Variants in DGCR8 observed in about 807,000 individuals in gnomAD.
DGCR8 encodes the protein DGCR8 microprocessor complex subunit, also known as microprocessor complex subunit DGCR8.
Under a neutral mutation model 78.5 loss-of-function variants are expected in DGCR8, and 14 were observed. The observed-to-expected ratio is 0.18, with a 90% CI of 0.12 to 0.28. DGCR8 has a LOEUF of 0.28. Among genes scored for constraint, DGCR8 ranks in the 10% least tolerant of loss-of-function variants. The pLI is 1.00. For missense variants in DGCR8, 702 were observed against 1,022.5 expected, an observed-to-expected ratio of 0.69 and a Z score of 4.28; for synonymous variants, 399 against 402.4, an observed-to-expected ratio of 0.99 and a Z score of 0.10.
chr22:20,096,209 C>T (rs553531760), intron 9 of DGCR8, among the ~76,000 whole-genome samples: 1 of 152,244 alleles, frequency 6.6e-6, no homozygotes, highest in South Asian at 2.1e-4. Flanking sequence ...TTAAGAAAAT[C>T]ATAAGGAAGA....
At chr22:20,109,419 C>A (rs900701379) in intron 13 of DGCR8, among the ~76,000 whole-genome samples, 2 of 152,188 alleles carry the variant, frequency 1.3e-5, no homozygotes, top group African/African-American at 4.8e-5. Flanking sequence ...TGTCTTCTGT[C>A]TTCAGGCATC....
chr22:20,101,884 A>G (rs1602492981), intron 9 of DGCR8: 2 of 985,328 alleles, frequency 2.0e-6, no homozygotes, highest in Non-Finnish European at 2.4e-6. Flanking sequence ...TGGGGTTGAC[A>G]TGTCAGGAGG....
intron 9 of DGCR8, among the ~76,000 whole-genome samples, chr22:20,104,511 G>A (rs1157900219): frequency 6.6e-6 from 1 of 150,464 alleles, no homozygotes; most frequent in Admixed American, 6.6e-5. Flanking sequence ...CTCTCTAGCT[G>A]TGTGTGTGTC....
chr22:20,099,111 C>T (rs1019736505), intron 9 of DGCR8, among the ~76,000 whole-genome samples: 11 of 152,154 alleles, frequency 7.2e-5, no homozygotes, highest in African/African-American at 2.2e-4. Context: ...GTGGGGCTCA[C>T]CTGGTGTGCT....
At position 20,108,860 on chromosome 22, in the gene DGCR8, G is replaced by A. The variant is rs761466948; in HGVS notation, c.2125-30G>A. On this transcript the variant is annotated intron_variant, in intron 12 of 13. Transcript: ENST00000351989. ...GCAGGCCGTAGAGCTACAGCCTGCAGTCCTGAGCGTGAGGTGCTATACTTC... is the reference window on the plus strand; with the variant it reads ...GCAGGCCGTAGAGCTACAGCCTGCAATCCTGAGCGTGAGGTGCTATACTTC... The A allele has an allele frequency of 1.0e-5, 12 of 1,198,594 alleles. No homozygotes were observed. The Admixed American group carries it at 1.3e-4, about 13-fold the overall frequency. 74.2% of individuals were successfully genotyped at this position (1,198,594 alleles called of 1,614,324 possible).
chr22:20,101,117 A>T, intron 9 of DGCR8: 8 of 865,030 alleles, frequency 9.2e-6, no homozygotes, highest in East Asian at 1.2e-4. Context: ...GGTCGTTTTG[A>T]ATCACAAAAG....
intron 9 of DGCR8, among the ~76,000 whole-genome samples, chr22:20,103,678 A>G (rs2147937237): frequency 6.6e-6 from 1 of 152,300 alleles, no homozygotes; most frequent in East Asian, 1.9e-4. Context: ...AGTGGGAAGT[A>G]GCCCTCCTCC....
At chr22:20,096,555 C>G in intron 9 of DGCR8, 1 of 869,618 alleles carries the variant, frequency 1.1e-6, no homozygotes, top group South Asian at 5.3e-5. Flanking sequence ...ATAAATTTGG[C>G]CTTTTAAACT....
chr22:20,084,389 G>A (rs1370353413), intron 1 of DGCR8, among the ~76,000 whole-genome samples: 1 of 152,252 alleles, frequency 6.6e-6, no homozygotes, highest in Non-Finnish European at 1.5e-5. Context: ...GTGTCTGCAT[G>A]TGTTCCTTCT....
At chr22:20,107,164 C>G in intron 11 of DGCR8, 107 bp from the exon 12 acceptor site, 5 of 1,307,368 alleles carry the variant, frequency 3.8e-6, no homozygotes, top group Non-Finnish European at 5.5e-6. Flanking sequence ...AGAATGTGCC[C>G]TGGCTGGCCC....
At chr22:20,081,911 C>A (rs1159183306) in intron 1 of DGCR8, among the ~76,000 whole-genome samples, 2 of 152,158 alleles carry the variant, frequency 1.3e-5, no homozygotes, top group Non-Finnish European at 2.9e-5. Context: ...TAAGCACAGA[C>A]CATTTCTCAC....
Position 20,100,576 on chromosome 22 carries a change from G to A in DGCR8, c.1789-5601G>A, listed in dbSNP as rs2147933393. ...GCCTGTTCTTTGCTATGGGGTGGTGGAAATGTCCATGAACCACTGTGGTTT... is the reference window on the plus strand; with the variant it reads ...GCCTGTTCTTTGCTATGGGGTGGTGAAAATGTCCATGAACCACTGTGGTTT... On this transcript the variant is annotated intron_variant, in intron 9 of 13. Transcript: ENST00000351989. The A allele has an allele frequency of 3.0e-6, 3 of 985,396 alleles. No homozygotes were observed. In the South Asian group the frequency reaches 1.4e-4, roughly 46 times the overall value. The allele number at this position is 985,396 out of a possible 1,614,324, so 61.0% of individuals were successfully genotyped here.
chr22:20,101,129 C>G (rs1049968543), intron 9 of DGCR8: 19 of 913,744 alleles, frequency 2.1e-5, no homozygotes, highest in Admixed American at 6.2e-5. Flanking sequence ...TCACAAAAGA[C>G]AAACCTAGCA....
chr22:20,102,930 C>G (rs754273885), intron 9 of DGCR8, among the ~76,000 whole-genome samples: 1 of 152,080 alleles, frequency 6.6e-6, no homozygotes, highest in Non-Finnish European at 1.5e-5. Context: ...GTTAGGAGTT[C>G]GAGACCTGCC....
At chr22:20,084,076 C>A (rs2049449747) in intron 1 of DGCR8, among the ~76,000 whole-genome samples, 3 of 152,144 alleles carry the variant, frequency 2.0e-5, no homozygotes, top group African/African-American at 7.2e-5. Context: ...GTGTCCAGGC[C>A]CTGTGACCTT....
chr22:20,101,910 G>A (rs1275131151), intron 9 of DGCR8: 46 of 985,276 alleles, frequency 4.7e-5, no homozygotes, highest in Non-Finnish European at 5.4e-5. Context: ...GTTGATGCCT[G>A]TGAGGTGTGG....
At chr22:20,090,909 G>A (rs1462051400) in intron 5 of DGCR8, among the ~76,000 whole-genome samples, 1 of 152,238 alleles carries the variant, frequency 6.6e-6, no homozygotes, top group East Asian at 1.9e-4. Flanking sequence ...TCCGTGGAGT[G>A]TGGGGTGCCC....
At chr22:20,081,488 C>A (rs979271473) in intron 1 of DGCR8, among the ~76,000 whole-genome samples, 1 of 152,220 alleles carries the variant, frequency 6.6e-6, no homozygotes, top group Non-Finnish European at 1.5e-5. Context: ...GAGAGCTCCC[C>A]TTTGAGCCCT....
chr22:20,099,230 G>A (rs2049667016), intron 9 of DGCR8, among the ~76,000 whole-genome samples: 1 of 152,152 alleles, frequency 6.6e-6, no homozygotes, highest in African/African-American at 2.4e-5. Flanking sequence ...CCAGACATAC[G>A]CTAGAGCCTT....
Sources: gnomAD v4.1 joint callset for allele counts (sites outside exome capture counted in the v4.1 genomes callset) on GRCh38, gnomAD v4.1.1 for gene constraint, MANE v1.5 for transcripts, NCBI Gene and HGNC (gene_info 2026-07-23, HGNC 2026-07-21) for gene names.